Variants in WSB1 observed in about 807,000 individuals in gnomAD.
The protein encoded by WSB1 is WD repeat and SOCS box containing 1.
A neutral mutation model predicts 50.2 loss-of-function variants in WSB1; 23 were observed. That is an observed-to-expected ratio of 0.46 (90% CI 0.33 to 0.65). The LOEUF is 0.65. Among genes scored for constraint, WSB1 ranks in the 30% least tolerant of loss-of-function variants. The pLI is 0.02. For missense variants in WSB1, 492 were observed against 522.3 expected (o/e 0.94, Z 0.56); for synonymous variants, 179 against 172.0 (o/e 1.04, Z -0.32).
intron 1 of WSB1, among the ~76,000 whole-genome samples, chr17:27,299,733 A>G (rs1408531774): frequency 4.6e-5 from 7 of 152,216 alleles, no homozygotes; most frequent in African/African-American, 1.7e-4. Flanking sequence ...GATCTAAGGT[A>G]TGATTGAAAG....
At chr17:27,308,450 G>C (rs1276188989) in intron 5 of WSB1, 3 of 984,336 alleles carry the variant, frequency 3.0e-6, no homozygotes, top group Admixed American at 1.2e-4. Flanking sequence ...AAAATAAGAT[G>C]GTTAAATTTT....
At chr17:27,304,009 A>G (rs1378178870) in intron 3 of WSB1, among the ~76,000 whole-genome samples, 1 of 152,242 alleles carries the variant, frequency 6.6e-6, no homozygotes, top group Non-Finnish European at 1.5e-5. Context: ...ATCAGATTTC[A>G]GTAATCATCT....
chr17:27,306,845 A>G lies in WSB1; in HGVS notation c.674A>G (p.Asp225Gly), dbSNP rs1415912924. Residue 225 changes from aspartate (D) to glycine (G), a missense_variant, in exon 5 of 9, where the codon GAC becomes GGC. By Grantham distance (94) the Asp-to-Gly change is moderately conservative. Transcript: ENST00000262394. The part of the protein sequence containing the change: ...NWVYSCAFSP[D>G]SSMLCSVGAS... ...GTGTACAGCTGTGCATTCTCTCCTG[A>G]CTCTTCTATGCTGTGTTCAGTCGGA... is the stretch of plus-strand genomic sequence containing the variant. 6.2e-7 allele frequency: 1 copy of G among 1,613,828 alleles called. No homozygotes were observed. The highest frequency in any genetic ancestry group is 2.2e-5 in the East Asian group (1 of 44,878).
chr17:27,311,493 T>C lies in WSB1; in HGVS notation c.999-16T>C, dbSNP rs371237093. The C allele has an allele frequency of 4.6e-5, 72 of 1,572,904 alleles. No individual in the cohort carries two copies. The highest frequency in any genetic ancestry group is 8.4e-5 in the Admixed American group (4 of 47,836). On this transcript the variant is annotated splice_polypyrimidine_tract_variant and intron_variant, in intron 7 of 8. Coordinates refer to ENST00000262394, the MANE Select transcript of WSB1 (RefSeq NM_015626.10). Reference sequence around the variant, plus strand: ...ACATTTTCTACAAGATACTAAATAATTTATTTCATTTTCAGAATGGTGAGG... The same window carrying C: ...ACATTTTCTACAAGATACTAAATAACTTATTTCATTTTCAGAATGGTGAGG...
chr17:27,306,202 CTTTTTTTTTT>C (rs907711059), intron 4 of WSB1, among the ~76,000 whole-genome samples: 11 of 63,146 alleles, frequency 1.7e-4, no homozygotes, highest in African/African-American at 2.5e-4. Context: ...AGAATTCTGT[CTTTTTTTTTT>C]TTTTTTTTTT....
At chr17:27,308,842 A>G in intron 5 of WSB1, 1 of 1,079,830 alleles carries the variant, frequency 9.3e-7, no homozygotes, top group Non-Finnish European at 1.1e-6. Context: ...GTTAAATTGC[A>G]TTGCCTTTAT....
At chr17:27,303,212 TC>T in intron 2 of WSB1, 154 bp from the exon 3 acceptor site, 1 of 814,432 alleles carries the variant, frequency 1.2e-6, no homozygotes. Flanking sequence ...AGTTCAAATA[TC>T]AACCTTTCCC....
rs2017484185 is a variant in WSB1, at chr17:27,306,899, T to G, written c.711+17T>G. 6.2e-7 allele frequency: 1 copy of G among 1,609,522 alleles called. No individual in the cohort carries two copies. Among genetic ancestry groups the G allele is most frequent in the Admixed American group, 1.7e-5 (1 of 59,900 alleles). ...AGTAAAGCAGTACGTGTCAAAGTTCTTGTACATTCATTATGAATTGGATTA... is the reference window on the plus strand; with the variant it reads ...AGTAAAGCAGTACGTGTCAAAGTTCGTGTACATTCATTATGAATTGGATTA... On this transcript the variant is annotated intron_variant, in intron 5 of 8. Transcript: ENST00000262394.
chr17:27,306,686 A>G (rs2017474570), intron 4 of WSB1, 96 bp from the exon 5 acceptor site: 7 of 1,236,030 alleles, frequency 5.7e-6, no homozygotes, highest in South Asian at 1.4e-5. Flanking sequence ...GCTTTCAGCT[A>G]TAAATGTTTG....
At chr17:27,307,143 T>G (rs1462860054) in intron 5 of WSB1, 1 of 440,068 alleles carries the variant, frequency 2.3e-6, no homozygotes, top group Non-Finnish European at 4.1e-6. Context: ...TCTAGAAAAG[T>G]TTATGTGCTG....
chr17:27,303,512 G>A lies in WSB1; in HGVS notation c.355G>A (p.Val119Ile), dbSNP rs1012500267. The change falls in exon 3 of 9, where the codon GTT becomes ATT. Residue 119 changes from valine (V) to isoleucine (I), a missense_variant. Transcript: ENST00000262394. ...CTGGAGTCTTGCTTTTGGGTCATCA[G>A]TTCCAGAAAAACAGAGTCGCTGTGT... ...IVWSLAFGSS[V>I]PEKQSRCVNI... The A allele has an allele frequency of 2.5e-6, 4 of 1,614,138 alleles. No individual in the cohort carries two copies. Among genetic ancestry groups the A allele is most frequent in the Non-Finnish European group, 3.4e-6 (4 of 1,180,010 alleles).
Position 27,312,562 on chromosome 17 carries a change from C to T in WSB1, c.*193C>T. 1.4e-6 allele frequency: 1 copy of T among 690,178 alleles called. No individual in the cohort carries two copies. Among genetic ancestry groups the T allele is most frequent in the Admixed American group, 3.8e-5 (1 of 26,612 alleles). The allele number at this position is 690,178 out of a possible 1,614,324, so 42.8% of individuals were successfully genotyped here. A position where few individuals can be genotyped will look rare whatever the true frequency, so the allele number is the denominator to read the frequency against. The stretch of plus-strand genomic sequence containing the variant: ...ACAATAGAAGTATTTCTGAACATAT[C>T]AAATATAAATTTTTTTAAAGATCTA... On this transcript the variant is annotated 3_prime_UTR_variant, in exon 9 of 9. Transcript: ENST00000262394.
In WSB1 at chr17:27,304,882, C is replaced by T; in HGVS notation, c.581C>T (p.Thr194Ile). The T allele has an allele frequency of 6.2e-7, 1 of 1,614,026 alleles. No homozygotes were observed. The highest frequency in any genetic ancestry group is 1.7e-5 in the Admixed American group (1 of 60,004). ...CTGGTGTCAGCTTCAAGAGACAAAACTCTCAGAGTATGGGACCTGAAAGAT... is the reference window on the plus strand; with the variant it reads ...CTGGTGTCAGCTTCAAGAGACAAAATTCTCAGAGTATGGGACCTGAAAGAT... ...LILVSASRDK[T>I]LRVWDLKDDG... Residue 194 changes from threonine (T) to isoleucine (I), a missense_variant, in exon 4 of 9, where the codon ACT becomes ATT. Thr to Ile is a moderately conservative substitution (Grantham distance 89, BLOSUM62 -1). Coordinates refer to ENST00000262394, the MANE Select transcript of WSB1 (RefSeq NM_015626.10).
Position 27,305,020 on chromosome 17 carries a change from G to A in WSB1, c.610+109G>A, listed in dbSNP as rs1175774442. The stretch of plus-strand genomic sequence containing the variant: ...ACTTTAAAAATGACATGTGATCAAA[G>A]TTCCTTTTCTCTGCCTTAACACTTA... On this transcript the variant is annotated intron_variant, in intron 4 of 8. Coordinates refer to ENST00000262394, the MANE Select transcript of WSB1 (RefSeq NM_015626.10). The A allele has an allele frequency of 2.1e-6, 3 of 1,425,344 alleles. No individual in the cohort carries two copies. The African/African-American group carries it at 4.3e-5, about 20-fold the overall frequency. 88.3% of individuals were successfully genotyped at this position (1,425,344 alleles called of 1,614,324 possible). A position where few individuals can be genotyped will look rare whatever the true frequency, so the allele number is the denominator to read the frequency against.
Position 27,312,429 on chromosome 17 carries a change from C to A in WSB1, c.*60C>A. 1.3e-6 allele frequency: 2 copies of A among 1,566,530 alleles called. No individual in the cohort carries two copies. The highest frequency in any genetic ancestry group is 2.3e-5 in the East Asian group (1 of 44,292). On this transcript the variant is annotated 3_prime_UTR_variant, in exon 9 of 9. Transcript: ENST00000262394. ...GAATACACTTAACACAAACCTCAAG[C>A]TTTACTGACTTCAATTATCTGTTTT...
rs1394447560 is a variant in WSB1, at chr17:27,297,196, C to T, written c.40+2761C>T. The stretch of plus-strand genomic sequence containing the variant: ...TTTTTGTTCCTTTGAGACTGAGTCT[C>T]GCTCCGTCGTCCAGGCTGGAGTGCA... On this transcript the variant is annotated intron_variant, in intron 1 of 8. Transcript: ENST00000262394. 2.6e-5 allele frequency: 4 copies of T among 151,924 alleles called. No homozygotes were observed. The East Asian group carries it at 5.8e-4, about 22-fold the overall frequency. The allele number at this position is 151,924 out of a possible 1,614,324, so 9.4% of individuals were successfully genotyped here. A position where few individuals can be genotyped will look rare whatever the true frequency, so the allele number is the denominator to read the frequency against.
At chr17:27,303,241 C>T in intron 2 of WSB1, 126 bp from the exon 3 acceptor site, 1 of 1,058,754 alleles carries the variant, frequency 9.4e-7, no homozygotes, top group East Asian at 2.5e-5. Flanking sequence ...CTATAGGATT[C>T]TATTGTTATT....
In WSB1 at chr17:27,315,067, A is replaced by C. The variant is rs1245317337; in HGVS notation, c.*2698A>C. 6.6e-6 allele frequency: 1 copy of C among 151,364 alleles called. No homozygotes were observed. The highest frequency in any genetic ancestry group is 1.5e-5 in the Non-Finnish European group (1 of 68,036). 9.4% of individuals were successfully genotyped at this position (151,364 alleles called of 1,614,324 possible). ...AGTGCCAGTGTGAAAGGAAGATTGC[A>C]GCGTATATGTCAAGTAGAAACATGT... On this transcript the variant is annotated 3_prime_UTR_variant, in exon 9 of 9. Transcript: ENST00000262394.
At chr17:27,304,996 C>A in intron 4 of WSB1, 85 bp downstream of exon 4, 1 of 1,533,980 alleles carries the variant, frequency 6.5e-7, no homozygotes. Context: ...GGGCATTTGA[C>A]TTTAAAAATG....
Sources: allele counts gnomAD v4.1 joint callset (sites outside exome capture counted in the v4.1 genomes callset), GRCh38; gene constraint gnomAD v4.1.1; transcripts MANE v1.5; gene names NCBI Gene and HGNC (gene_info 2026-07-23, HGNC 2026-07-21).